PPP1R14C: variants seen among roughly 807,000 people sequenced by gnomAD.
PPP1R14C encodes the protein protein phosphatase 1 regulatory subunit 14C.
In PPP1R14C, 16 loss-of-function variants were observed where a neutral mutation model predicts 20.4. The ratio of observed to expected loss-of-function variants is 0.78; its 90% CI spans 0.53 to 1.19. The LOEUF (loss-of-function observed/expected upper bound fraction) is 1.19. Among genes scored for constraint, PPP1R14C ranks in the 50% most tolerant of loss-of-function variants. The pLI is 0.00. For missense variants in PPP1R14C, 211 were observed against 220.1 expected (o/e 0.96, Z 0.26); for synonymous variants, 91 against 91.0 (o/e 1.00, Z 0.00).
chr6:150,171,084 A>T lies in PPP1R14C; in HGVS notation c.306+27586A>T, dbSNP rs1032922586. 5.3e-5 allele frequency among the ~76,000 whole-genome samples: 8 copies of T among 152,060 alleles called. No homozygotes were observed. In the East Asian group the frequency reaches 1.5e-3, roughly 29 times the overall value. On this transcript the variant is annotated intron_variant, in intron 1 of 3. Transcript: ENST00000361131. The stretch of plus-strand genomic sequence containing the variant: ...AGCGGTACATTGGTCACAATCGATG[A>T]ACCTACGTTGACACACCATTATCAC...
At chr6:150,166,960 G>A (rs887039790) in intron 1 of PPP1R14C, among the ~76,000 whole-genome samples, 3 of 152,206 alleles carry the variant, frequency 2.0e-5, no homozygotes, top group African/African-American at 7.2e-5. Context: ...GCCAGGCGCG[G>A]TGGCTCACGT....
At chr6:150,203,050 C>A (rs1777897615) in intron 1 of PPP1R14C, among the ~76,000 whole-genome samples, 2 of 152,202 alleles carry the variant, frequency 1.3e-5, no homozygotes, top group African/African-American at 4.8e-5. Context: ...TAAAGCTCAT[C>A]ATTTCCATTC....
chr6:150,242,638 G>A (rs903326212), intron 3 of PPP1R14C, among the ~76,000 whole-genome samples: 1 of 152,190 alleles, frequency 6.6e-6, no homozygotes, highest in African/African-American at 2.4e-5. Context: ...TTCCCCCTAA[G>A]ATCAGTAACA....
chr6:150,165,531 T>C (rs1364256308), intron 1 of PPP1R14C, among the ~76,000 whole-genome samples: 1 of 152,258 alleles, frequency 6.6e-6, no homozygotes, highest in East Asian at 1.9e-4. Flanking sequence ...GCAATAAATA[T>C]CTTTTATGGG....
chr6:150,181,550 T>A (rs1487195474), intron 1 of PPP1R14C, among the ~76,000 whole-genome samples: 1 of 152,236 alleles, frequency 6.6e-6, no homozygotes, highest in Non-Finnish European at 1.5e-5. Context: ...TATTTCTTGT[T>A]CCCCAAGTAA....
In PPP1R14C at chr6:150,182,541, C is replaced by A. The variant is rs1292639729; in HGVS notation, c.307-32203C>A. On this transcript the variant is annotated intron_variant, in intron 1 of 3. Coordinates refer to ENST00000361131, the MANE Select transcript of PPP1R14C (RefSeq NM_030949.3). ...TCCCAAAGGTCTCACGTCCTAATGT[C>A]ATCACTATGGGGGTTAGGGCTTCAC... Among the ~76,000 whole-genome samples, 3 of 152,300 alleles carry A rather than the reference C, an allele frequency of 2.0e-5. No homozygotes were observed. In the East Asian group the frequency reaches 5.8e-4, roughly 29 times the overall value.
At chr6:150,149,323 G>GTGTGTGTGTGTGTGTGTGTT (rs1190613235) in intron 1 of PPP1R14C, among the ~76,000 whole-genome samples, 2 of 150,792 alleles carry the variant, frequency 1.3e-5, no homozygotes, top group East Asian at 3.9e-4. Flanking sequence ...GTGTGTGTGT[G>GTGTGTGTGTGTGTGTGTGTT]TATGTGTGTG....
At chr6:150,193,296 C>T (rs190299399) in intron 1 of PPP1R14C, among the ~76,000 whole-genome samples, 4 of 151,994 alleles carry the variant, frequency 2.6e-5, no homozygotes, top group Admixed American at 2.6e-4. Flanking sequence ...AAGGATGTCT[C>T]ACATGTGAGA....
intron 1 of PPP1R14C, among the ~76,000 whole-genome samples, chr6:150,175,570 T>A (rs1293756817): frequency 1.3e-5 from 2 of 152,210 alleles, no homozygotes; most frequent in African/African-American, 4.8e-5. Context: ...AGTGAACTCT[T>A]GAGCATGGGG....
rs1403110274 is a variant in PPP1R14C at position 150,226,818 on chromosome 6, C to T, written c.423+9962C>T. Reference sequence around the variant, plus strand: ...TCCATTCATCCAGGATAACTAAGTCCGAGAGTAGGTGGCAAAAGGCATTTC... The same window carrying T: ...TCCATTCATCCAGGATAACTAAGTCTGAGAGTAGGTGGCAAAAGGCATTTC... On this transcript the variant is annotated intron_variant, in intron 3 of 3. Transcript: ENST00000361131. Among the ~76,000 whole-genome samples, 4 of 151,934 alleles carry T rather than the reference C, an allele frequency of 2.6e-5. 1 individual carries two copies. The highest frequency in any genetic ancestry group is 4.2e-4 in the South Asian group (2 of 4,810).
chr6:150,192,409 C>A (rs957844760), intron 1 of PPP1R14C, among the ~76,000 whole-genome samples: 4 of 152,118 alleles, frequency 2.6e-5, no homozygotes. Context: ...AACCCAGATC[C>A]CTTTCGTGCG....
chr6:150,213,557 C>T (rs1778054274), intron 1 of PPP1R14C, among the ~76,000 whole-genome samples: 1 of 152,204 alleles, frequency 6.6e-6, no homozygotes, highest in African/African-American at 2.4e-5. Context: ...CTCTCTAGCT[C>T]CTGCAGATGC....
intron 1 of PPP1R14C, among the ~76,000 whole-genome samples, chr6:150,147,533 G>C (rs1212897724): frequency 2.0e-5 from 3 of 152,176 alleles, no homozygotes; most frequent in African/African-American, 7.2e-5. Flanking sequence ...ACTTTAACAA[G>C]TACTGCAAGA....
At chr6:150,152,119 C>G (rs1430520879) in intron 1 of PPP1R14C, among the ~76,000 whole-genome samples, 1 of 84,948 alleles carries the variant, frequency 1.2e-5, no homozygotes, top group Non-Finnish European at 2.9e-5. Flanking sequence ...GACTCCGTCT[C>G]AAAAAAAAAA....
intron 3 of PPP1R14C, among the ~76,000 whole-genome samples, chr6:150,239,002 C>G (rs575125054): frequency 6.6e-6 from 1 of 152,226 alleles, no homozygotes; most frequent in Non-Finnish European, 1.5e-5. Flanking sequence ...ACAGAAACCA[C>G]ATCCACCAGG....
chr6:150,233,686 G>T (rs1193082621), intron 3 of PPP1R14C, among the ~76,000 whole-genome samples: 1 of 152,182 alleles, frequency 6.6e-6, no homozygotes, highest in Non-Finnish European at 1.5e-5. Flanking sequence ...TGGGAGACTG[G>T]CCAGGCACTT....
intron 3 of PPP1R14C, among the ~76,000 whole-genome samples, chr6:150,226,429 G>A (rs1778230974): frequency 6.6e-6 from 1 of 152,090 alleles, no homozygotes; most frequent in South Asian, 2.1e-4. Flanking sequence ...CAGAGATGGG[G>A]GTCTGGAAGC....
intron 1 of PPP1R14C, among the ~76,000 whole-genome samples, chr6:150,204,651 A>G (rs935414411): frequency 6.6e-6 from 1 of 152,034 alleles, no homozygotes; most frequent in African/African-American, 2.4e-5. Context: ...AGCAGTCCCC[A>G]TTTTACAGGT....
chr6:150,227,078 G>A (rs1778238713), intron 3 of PPP1R14C, among the ~76,000 whole-genome samples: 1 of 152,152 alleles, frequency 6.6e-6, no homozygotes. Context: ...CATTTATTTA[G>A]CATTTAAACT....
Sources: gnomAD v4.1 joint callset for allele counts (sites outside exome capture counted in the v4.1 genomes callset) on GRCh38, gnomAD v4.1.1 for gene constraint, MANE v1.5 for transcripts, NCBI Gene and HGNC (gene_info 2026-07-23, HGNC 2026-07-21) for gene names.